The following DNM2 variants were observed in gnomAD, a reference collection of about 807,000 sequenced individuals.
DNM2 encodes the protein dynamin 2.
A neutral mutation model predicts 99.0 loss-of-function variants in DNM2; 15 were observed. The ratio of observed to expected loss-of-function variants is 0.15; its 90% CI spans 0.10 to 0.23. DNM2 has a LOEUF of 0.23. DNM2 is among the 10% of genes least tolerant of loss of function. The pLI, the probability that DNM2 is intolerant of heterozygous loss-of-function variation, is 1.00. For missense variants in DNM2, 742 were observed against 1,189.4 expected (o/e 0.62, Z 5.53); for synonymous variants, 525 against 481.2 (o/e 1.09, Z -1.19).
intron 6 of DNM2, among the ~76,000 whole-genome samples, chr19:10,784,452 G>A (rs562372821): frequency 2.8e-4 from 43 of 152,322 alleles, no homozygotes; most frequent in African/African-American, 1.0e-3. Flanking sequence ...GTAAAACTCC[G>A]CAGCTGGCTG....
In DNM2 at chr19:10,759,888, G is replaced by A. The variant is rs1026583196; in HGVS notation, c.235+77G>A. ...TGCCAGGAGTTGCTGGGGGCGGAGG[G>A]TGGAACTTGGGTCCTGGGCTGTCAT... On this transcript the variant is annotated intron_variant, in intron 2 of 20. Transcript: ENST00000389253. 22 of 1,583,800 alleles carry A rather than the reference G, an allele frequency of 1.4e-5. 2 individuals are homozygous for A. The African/African-American group carries it at 1.5e-4, about 11-fold the overall frequency.
intron 13 of DNM2, among the ~76,000 whole-genome samples, chr19:10,808,153 A>G (rs1343299150): frequency 8.6e-5 from 13 of 151,650 alleles, no homozygotes; most frequent in Admixed American, 8.5e-4. Context: ...AGGAAAAAAA[A>G]AAAGAAAGAA....
Position 10,772,083 on chromosome 19 carries a change from A to ATTTT in DNM2, c.236-392_236-389dup. 2.1e-5 allele frequency among the ~76,000 whole-genome samples: 2 copies of ATTTT among 96,216 alleles called. No individual in the cohort carries two copies. The highest frequency in any genetic ancestry group is 4.4e-5 in the Non-Finnish European group (2 of 45,204). The allele number at this position is 96,216 out of a possible 152,430, so 63.1% of individuals were successfully genotyped here. A position where few individuals can be genotyped will look rare whatever the true frequency, so the allele number is the denominator to read the frequency against. Reference sequence around the variant, plus strand: ...TATTTTATTTTATTTTATTTTATTTATTTTTTTATTTTTTTGAGATGGAGT... The same window carrying ATTTT: ...TATTTTATTTTATTTTATTTTATTTATTTTTTTTTTTATTTTTTTGAGATGGAGT... On this transcript the variant is annotated intron_variant, in intron 2 of 20. Transcript: ENST00000389253. The surrounding 1 kb of genome is among the most constrained non-coding windows in gnomAD (Gnocchi z 4.9).
At chr19:10,802,916 C>T (rs1279258439) in intron 12 of DNM2, among the ~76,000 whole-genome samples, 2 of 152,228 alleles carry the variant, frequency 1.3e-5, no homozygotes, top group African/African-American at 4.8e-5. Context: ...GCATCACCCG[C>T]TGATTCCTTC....
intron 9 of DNM2, 80 bp from the exon 10 acceptor site, chr19:10,797,296 TTCTC>T: frequency 1.9e-6 from 3 of 1,579,922 alleles, no homozygotes; most frequent in Non-Finnish European, 2.6e-6. Context: ...GTTTCTTCTC[TTCTC>T]TCTGTCTCCT....
chr19:10,797,800 C>T (rs1359271029), intron 10 of DNM2, among the ~76,000 whole-genome samples: 3 of 152,150 alleles, frequency 2.0e-5, no homozygotes, highest in African/African-American at 4.8e-5. Context: ...AAAGGGGTTT[C>T]CCAGCCAGCA....
chr19:10,774,549 C>G (rs2071086390), intron 3 of DNM2, among the ~76,000 whole-genome samples: 1 of 152,082 alleles, frequency 6.6e-6, no homozygotes, highest in Non-Finnish European at 1.5e-5. Context: ...GCCTCAGCCC[C>G]CTGAGTAGCT....
chr19:10,723,333 G>A (rs1417031756), intron 1 of DNM2, among the ~76,000 whole-genome samples: 1 of 152,064 alleles, frequency 6.6e-6, no homozygotes, highest in South Asian at 2.1e-4. Flanking sequence ...GGGTTTTCCC[G>A]TGTTGGTCAG....
chr19:10,773,500 G>A (rs2071049416), intron 3 of DNM2, among the ~76,000 whole-genome samples: 1 of 148,742 alleles, frequency 6.7e-6, no homozygotes, highest in Non-Finnish European at 1.5e-5. Context: ...CCAGGCTGGA[G>A]TGTAGTGGCG....
chr19:10,738,951 G>A (rs1034334916), intron 1 of DNM2, among the ~76,000 whole-genome samples: 1 of 151,070 alleles, frequency 6.6e-6, no homozygotes, highest in African/African-American at 2.4e-5. Flanking sequence ...GGCGGATCAC[G>A]AGGTCAGGAG....
chr19:10,753,619 T>C (rs1250239310), intron 1 of DNM2, among the ~76,000 whole-genome samples: 1 of 151,892 alleles, frequency 6.6e-6, no homozygotes, highest in Non-Finnish European at 1.5e-5. Context: ...ATAATTTATA[T>C]ATAAATACAC....
At chr19:10,737,207 C>T (rs1298267010) in intron 1 of DNM2, among the ~76,000 whole-genome samples, 1 of 152,058 alleles carries the variant, frequency 6.6e-6, no homozygotes, top group Non-Finnish European at 1.5e-5. Context: ...ATGAAGTCGT[C>T]CCTGAGGCTC....
At chr19:10,722,501 C>T (rs140369666) in intron 1 of DNM2, among the ~76,000 whole-genome samples, 4,909 of 152,256 alleles carry the variant, frequency 0.032, 84 homozygotes, top group South Asian at 0.095. Context: ...CCCGCCACCA[C>T]GCCTGGCTAA....
intron 18 of DNM2, 100 bp downstream of exon 18, chr19:10,825,321 G>A: frequency 5.3e-6 from 8 of 1,523,802 alleles, no homozygotes; most frequent in Non-Finnish European, 6.3e-6. Flanking sequence ...GATCACTTGA[G>A]GTCAGGAGTT....
intron 15 of DNM2, among the ~76,000 whole-genome samples, chr19:10,814,054 TG>T (rs1324276446): frequency 6.6e-6 from 1 of 150,898 alleles, no homozygotes; most frequent in African/African-American, 2.4e-5. Flanking sequence ...CCTAGTTACT[TG>T]GGGGGCTGAG....
chr19:10,808,262 AC>A (rs2072422578), intron 13 of DNM2, among the ~76,000 whole-genome samples: 1 of 152,188 alleles, frequency 6.6e-6, no homozygotes, highest in South Asian at 2.1e-4. Flanking sequence ...TGTACCTTGC[AC>A]GATCATAGAG....
chr19:10,756,289 C>T (rs1295898909), intron 1 of DNM2, among the ~76,000 whole-genome samples: 3 of 152,088 alleles, frequency 2.0e-5, no homozygotes, highest in African/African-American at 7.2e-5. Context: ...CCAATTATCC[C>T]AGCCCCCAAC....
chr19:10,739,129 C>T lies in DNM2; in HGVS notation c.162-20609C>T, dbSNP rs537696914. Among the ~76,000 whole-genome samples, 39 of 152,208 alleles carry T rather than the reference C, an allele frequency of 2.6e-4. 1 individual carries two copies. The highest frequency in any genetic ancestry group is 2.0e-3 in the Admixed American group (30 of 15,280). On this transcript the variant is annotated intron_variant, in intron 1 of 20. Coordinates refer to ENST00000389253, the MANE Select transcript of DNM2 (RefSeq NM_001005361.3). ...AGGAGCTTGCAGTGAGCCGAGATCA[C>T]GCCACTGCACTCCAGCCTGGGCGAC...
Position 10,830,055 on chromosome 19 carries a change from G to A in DNM2, c.2292-72G>A. The A allele has an allele frequency of 6.2e-7, 1 of 1,609,280 alleles. No individual in the cohort carries two copies. Among genetic ancestry groups the A allele is most frequent in the Non-Finnish European group, 8.5e-7 (1 of 1,175,752 alleles). ...TAGCCAGCCCCCACCTCAGGTTCTG[G>A]CAGCCACAGTGGCATGGCGGGGGCT... On this transcript the variant is annotated intron_variant, in intron 19 of 20. Coordinates refer to ENST00000389253, the MANE Select transcript of DNM2 (RefSeq NM_001005361.3). This position sits in a 1 kb window ranked among gnomAD's most constrained non-coding sequence, Gnocchi z 4.8.
Sources: gnomAD v4.1 joint callset for allele counts (sites outside exome capture counted in the v4.1 genomes callset) on GRCh38, gnomAD v4.1.1 for gene constraint, Gnocchi (gnomAD v3.1) non-coding constraint, MANE v1.5 for transcripts, NCBI Gene and HGNC (gene_info 2026-07-23, HGNC 2026-07-21) for gene names.